LEKR1: variants seen among roughly 807,000 people sequenced by gnomAD.
LEKR1 encodes the protein protein LEKR1.
In LEKR1, 59 loss-of-function variants were observed where a neutral mutation model predicts 72.4. That is an observed-to-expected ratio of 0.82 (90% CI 0.66 to 1.01). LEKR1 has a LOEUF of 1.01. Ranked by LOEUF, LEKR1 falls within the 50% of genes least tolerant of loss-of-function variation. The pLI is 0.00. For missense variants in LEKR1, 728 were observed against 759.2 expected, an observed-to-expected ratio of 0.96 and a Z score of 0.48; for synonymous variants, 257 against 263.2, an observed-to-expected ratio of 0.98 and a Z score of 0.23.
At chr3:156,887,669 G>T (rs551147830) in intron 3 of LEKR1, among the ~76,000 whole-genome samples, 1 of 152,096 alleles carries the variant, frequency 6.6e-6, no homozygotes, top group Non-Finnish European at 1.5e-5. Context: ...ATAGTAATAT[G>T]AATTTTAATC....
intron 5 of LEKR1, among the ~76,000 whole-genome samples, chr3:156,931,786 C>T (rs1725251127): frequency 6.6e-6 from 1 of 151,966 alleles, no homozygotes; most frequent in Non-Finnish European, 1.5e-5. Flanking sequence ...GTTCTAGAAA[C>T]AGGCAAAACT....
chr3:156,917,416 T>C (rs976824651), intron 3 of LEKR1, among the ~76,000 whole-genome samples: 24 of 152,070 alleles, frequency 1.6e-4, no homozygotes, highest in African/African-American at 4.6e-4. Context: ...TGACAAAAGA[T>C]TAACATGATG....
chr3:156,895,846 T>C (rs1170019188), intron 3 of LEKR1, among the ~76,000 whole-genome samples: 1 of 152,118 alleles, frequency 6.6e-6, no homozygotes, highest in Non-Finnish European at 1.5e-5. Flanking sequence ...GACCCAGCAA[T>C]CCCATTACTG....
At chr3:156,961,258 A>G (rs114815230) in intron 6 of LEKR1, among the ~76,000 whole-genome samples, 2,478 of 152,358 alleles carry the variant, frequency 0.016, 69 homozygotes, top group African/African-American at 0.055. Flanking sequence ...TGAATCTTTT[A>G]AAACAGCTTT....
At chr3:156,916,466 A>G (rs1723662740) in intron 3 of LEKR1, among the ~76,000 whole-genome samples, 1 of 151,492 alleles carries the variant, frequency 6.6e-6, no homozygotes, top group Non-Finnish European at 1.5e-5. Flanking sequence ...CATTGTAGAG[A>G]TTTTTTACCT....
intron 12 of LEKR1, among the ~76,000 whole-genome samples, chr3:157,044,350 G>A (rs185560149): frequency 8.5e-5 from 13 of 152,174 alleles, no homozygotes; most frequent in African/African-American, 3.1e-4. Flanking sequence ...TCTTACCATG[G>A]GACTTGAAAT....
intron 10 of LEKR1, among the ~76,000 whole-genome samples, chr3:157,018,743 T>C (rs149399120): frequency 2.1e-3 from 313 of 152,338 alleles, no homozygotes; most frequent in African/African-American, 7.2e-3. Flanking sequence ...TCTGAGCCTA[T>C]CTCTTAATCG....
chr3:157,026,834 T>A (rs1323326861), intron 11 of LEKR1, among the ~76,000 whole-genome samples: 1 of 152,228 alleles, frequency 6.6e-6, no homozygotes, highest in South Asian at 2.1e-4. Context: ...CTTGTTTCGT[T>A]GTTTTGTTTC....
intron 3 of LEKR1, among the ~76,000 whole-genome samples, chr3:156,853,970 CAT>C (rs2108538664): frequency 6.6e-6 from 1 of 151,836 alleles, no homozygotes; most frequent in Non-Finnish European, 1.5e-5. Context: ...ACATGTAAGA[CAT>C]AAACACATGA....
At chr3:157,039,436 T>C (rs531474263) in intron 12 of LEKR1, among the ~76,000 whole-genome samples, 1 of 152,210 alleles carries the variant, frequency 6.6e-6, no homozygotes, top group Non-Finnish European at 1.5e-5. Context: ...CTGGGAAACA[T>C]AGGGAGACCC....
rs2108037095 is a variant in LEKR1 at position 157,028,241 on chromosome 3, T to C, written c.1507T>C (p.Leu503=). 1.9e-6 allele frequency: 3 copies of C among 1,613,520 alleles called. No homozygotes were observed. Among genetic ancestry groups the C allele is most frequent in the Non-Finnish European group, 2.5e-6 (3 of 1,179,730 alleles). The part of the protein sequence containing the change: ...KEKEIENLKN[L]VAEFESRLKK... ...AAAAGAAATTGAAAATCTTAAAAAT[T>C]TGGTTGCAGAATTTGAATCTCGCTT... Residue 503 remains leucine (L), a synonymous_variant, in exon 12 of 13, where the codon TTG becomes CTG. Transcript: ENST00000356539.
intron 2 of LEKR1, among the ~76,000 whole-genome samples, chr3:156,847,894 G>A (rs1714826546): frequency 6.6e-6 from 1 of 152,104 alleles, no homozygotes; most frequent in Admixed American, 6.6e-5. Flanking sequence ...ATACATTTCA[G>A]CCTTTTCTCC....
chr3:156,860,082 A>G (rs181276208), intron 3 of LEKR1, among the ~76,000 whole-genome samples: 1 of 152,142 alleles, frequency 6.6e-6, no homozygotes, highest in East Asian at 1.9e-4. Context: ...TCCACTTTTC[A>G]GAGTCTTTCT....
In LEKR1 at chr3:156,829,120, G is replaced by A. The variant is rs77732903; in HGVS notation, c.-44-166G>A. On this transcript the variant is annotated intron_variant, in intron 1 of 12. Transcript: ENST00000356539. ...CTGTTCTATTGGCCCAATAACTAAC[G>A]GAGAAAACCCTAACTGTACCTTCTA... Among the ~76,000 whole-genome samples the A allele has an allele frequency of 5.7e-3, 869 of 152,204 alleles. 8 individuals are homozygous for A. Among genetic ancestry groups the A allele is most frequent in the Non-Finnish European group, 9.2e-3 (624 of 68,016 alleles).
intron 6 of LEKR1, among the ~76,000 whole-genome samples, chr3:156,950,590 A>C (rs1037589894): frequency 6.7e-6 from 1 of 150,070 alleles, no homozygotes; most frequent in Admixed American, 6.7e-5. Context: ...TATTCCTAGG[A>C]ATTTTGTGTG....
intron 3 of LEKR1, chr3:156,888,502 G>T: frequency 3.1e-6 from 2 of 638,158 alleles, no homozygotes; most frequent in Non-Finnish European, 5.8e-6. Context: ...TAAGCCAGAA[G>T]ATTTTGGAGA....
At chr3:156,927,391 T>A in intron 4 of LEKR1, 38 bp from the exon 5 acceptor site, 1 of 843,952 alleles carries the variant, frequency 1.2e-6, no homozygotes, top group South Asian at 2.2e-5. Flanking sequence ...TTATGCTTAC[T>A]ATTTTTTAAA....
chr3:157,037,956 A>G (rs1735080634), intron 12 of LEKR1, among the ~76,000 whole-genome samples: 1 of 152,182 alleles, frequency 6.6e-6, no homozygotes, highest in African/African-American at 2.4e-5. Flanking sequence ...CTTAGTGAGC[A>G]AGGATAGTGA....
intron 12 of LEKR1, among the ~76,000 whole-genome samples, chr3:157,037,447 CA>C (rs1193849651): frequency 1.3e-5 from 2 of 152,052 alleles, no homozygotes; most frequent in Non-Finnish European, 1.5e-5. Context: ...GAAGAAAAAT[CA>C]GGAAAGTTAC....
Sources: gnomAD v4.1 joint callset for allele counts (sites outside exome capture counted in the v4.1 genomes callset) on GRCh38, gnomAD v4.1.1 for gene constraint, MANE v1.5 for transcripts, NCBI Gene and HGNC (gene_info 2026-07-23, HGNC 2026-07-21) for gene names.